SLC30A4: variants seen among roughly 807,000 people sequenced by gnomAD.
SLC30A4 encodes the protein solute carrier family 30 member 4, also known as probable proton-coupled zinc antiporter SLC30A4.
A neutral mutation model predicts 41.7 loss-of-function variants in SLC30A4; 20 were observed. The ratio of observed to expected loss-of-function variants is 0.48; its 90% CI spans 0.34 to 0.70. SLC30A4 has a LOEUF of 0.70. SLC30A4 is among the 30% of genes least tolerant of loss of function. The probability of loss-of-function intolerance (pLI) is 0.01; values close to 1 mark genes in which losing one functional copy is unlikely to be tolerated. For synonymous variants in SLC30A4, 181 were observed against 195.9 expected, an observed-to-expected ratio of 0.92 and a Z score of 0.64; for missense variants, 441 against 529.3, an observed-to-expected ratio of 0.83 and a Z score of 1.64.
chr15:45,485,265 T>C lies in SLC30A4; in HGVS notation c.1188A>G (p.Leu396=). 1 of 1,612,476 alleles carries C rather than the reference T, an allele frequency of 6.2e-7. No homozygotes were observed. The highest frequency in any genetic ancestry group is 8.5e-7 in the Non-Finnish European group (1 of 1,178,924). Reference sequence around the variant, plus strand: ...TATACATGCCAAATGTGTTCAATAATAAATGGTTTGCTTTGGACTGTACTT... The same window carrying C: ...TATACATGCCAAATGTGTTCAATAACAAATGGTTTGCTTTGGACTGTACTT... ...WEEVQSKANH[L]LLNTFGMYRC... Residue 396 remains leucine, a synonymous_variant, in exon 8 of 8, where the codon TTA becomes TTG. Transcript: ENST00000261867.
chr15:45,510,947 T>C (rs1401049427), intron 3 of SLC30A4, among the ~76,000 whole-genome samples, 191 bp downstream of exon 3: 1 of 152,236 alleles, frequency 6.6e-6, no homozygotes, highest in Non-Finnish European at 1.5e-5. Flanking sequence ...TAATTTTATA[T>C]GTGTAAACTG....
At position 45,487,148 on chromosome 15, in the gene SLC30A4, G is replaced by T. The variant is rs139410415; in HGVS notation, c.1000+379C>A. Among the ~76,000 whole-genome samples the T allele has an allele frequency of 3.3e-5, 5 of 152,200 alleles. No homozygotes were observed. The East Asian group carries it at 9.6e-4, about 29-fold the overall frequency. Reference sequence around the variant, plus strand: ...GGAAGAATGCAGTAAATACAACAAAGTCACAAGTTAAGTGGGAATTAAGGA... The same window carrying T: ...GGAAGAATGCAGTAAATACAACAAATTCACAAGTTAAGTGGGAATTAAGGA... On this transcript the variant is annotated intron_variant, in intron 6 of 7. Coordinates refer to ENST00000261867, the MANE Select transcript of SLC30A4 (RefSeq NM_013309.6).
rs796212548 is a variant in SLC30A4, at chr15:45,483,995, C to T, written c.*1168G>A. ...CTGCTATGGTATTATTGGAAAACCT[C>T]AAAATTGTATTTTAGGGTTTCTGGA... On this transcript the variant is annotated 3_prime_UTR_variant, in exon 8 of 8. Coordinates refer to ENST00000261867, the MANE Select transcript of SLC30A4 (RefSeq NM_013309.6). 48 of 152,454 alleles carry T rather than the reference C, an allele frequency of 3.1e-4. No homozygotes were observed. Among genetic ancestry groups the T allele is most frequent in the African/African-American group, 1.2e-3 (48 of 41,524 alleles). The allele number at this position is 152,454 out of a possible 1,614,324, so 9.4% of individuals were successfully genotyped here. A position where few individuals can be genotyped will look rare whatever the true frequency, so the allele number is the denominator to read the frequency against.
rs527236689 is a variant in SLC30A4, at chr15:45,509,891, G to A, written c.538+1247C>T. Among the ~76,000 whole-genome samples the A allele has an allele frequency of 3.3e-5, 5 of 152,118 alleles. No homozygotes were observed. In the East Asian group the frequency reaches 9.7e-4, roughly 30 times the overall value. On this transcript the variant is annotated intron_variant, in intron 3 of 7. Transcript: ENST00000261867. ...CTGGGCAAAGGATGACCCCCTTGTA[G>A]GTAGGCCCTGTCTCTACAAAAATCA...
chr15:45,493,566 G>A (rs1387849956), intron 3 of SLC30A4, among the ~76,000 whole-genome samples: 1 of 152,042 alleles, frequency 6.6e-6, no homozygotes, highest in Non-Finnish European at 1.5e-5. Flanking sequence ...GGTGGCTCAC[G>A]CCTGTAGTCC....
At chr15:45,492,212 C>CAAAAAAAAAAAAA (rs1163243140) in intron 3 of SLC30A4, among the ~76,000 whole-genome samples, 1 of 68,004 alleles carries the variant, frequency 1.5e-5, no homozygotes. Context: ...CTGTAGCATC[C>CAAAAAAAAAAAAA]AAAAAAAAAA....
At chr15:45,515,337 T>A (rs1364786183) in intron 2 of SLC30A4, among the ~76,000 whole-genome samples, 1 of 151,916 alleles carries the variant, frequency 6.6e-6, no homozygotes, top group Admixed American at 6.6e-5. Flanking sequence ...CCTTAATTTA[T>A]CTTCTAACTT....
chr15:45,497,689 T>C (rs1271232173), intron 3 of SLC30A4, among the ~76,000 whole-genome samples: 1 of 151,070 alleles, frequency 6.6e-6, no homozygotes, highest in African/African-American at 2.4e-5. Flanking sequence ...ATGAAAATTG[T>C]TTACTGCATA....
chr15:45,506,678 T>A (rs973554029), intron 3 of SLC30A4, among the ~76,000 whole-genome samples: 2 of 152,116 alleles, frequency 1.3e-5, no homozygotes, highest in Non-Finnish European at 2.9e-5. Flanking sequence ...TATCTAGATA[T>A]CCCCTCATAA....
intron 3 of SLC30A4, among the ~76,000 whole-genome samples, chr15:45,504,700 C>A (rs1012501660): frequency 1.3e-5 from 2 of 152,182 alleles, no homozygotes; most frequent in Admixed American, 1.3e-4. Context: ...TTTCTAATTA[C>A]TTTACAAATA....
At chr15:45,489,545 G>A (rs1229393578) in intron 4 of SLC30A4, among the ~76,000 whole-genome samples, 1 of 146,554 alleles carries the variant, frequency 6.8e-6, no homozygotes, top group Non-Finnish European at 1.5e-5. Context: ...AGTGCTAGGA[G>A]ATGAGTGGTA....
In SLC30A4 at chr15:45,484,584, A is replaced by G. The variant is rs1207663635; in HGVS notation, c.*579T>C. ...CTGGAAAAGGTTGTTTATAAAGTAT[A>G]ATCATAACAATAACATTAAGACTTA... On this transcript the variant is annotated 3_prime_UTR_variant, in exon 8 of 8. Coordinates refer to ENST00000261867, the MANE Select transcript of SLC30A4 (RefSeq NM_013309.6). The G allele has an allele frequency of 6.6e-6, 1 of 152,254 alleles. No homozygotes were observed. Among genetic ancestry groups the G allele is most frequent in the Non-Finnish European group, 1.5e-5 (1 of 68,052 alleles). 9.4% of individuals were successfully genotyped at this position (152,254 alleles called of 1,614,324 possible).
intron 3 of SLC30A4, among the ~76,000 whole-genome samples, chr15:45,508,038 GT>G (rs1259493686): frequency 6.6e-6 from 1 of 152,012 alleles, no homozygotes; most frequent in Non-Finnish European, 1.5e-5. Context: ...GCCCAGGCTG[GT>G]CTCGAACTTC....
intron 3 of SLC30A4, among the ~76,000 whole-genome samples, chr15:45,500,014 T>C (rs993625477): frequency 6.6e-6 from 1 of 152,208 alleles, no homozygotes; most frequent in Non-Finnish European, 1.5e-5. Flanking sequence ...AACTGTTACA[T>C]TGCAAATAAA....
chr15:45,496,922 G>A (rs1429439057), intron 3 of SLC30A4, among the ~76,000 whole-genome samples: 3 of 151,570 alleles, frequency 2.0e-5, no homozygotes, highest in African/African-American at 7.3e-5. Context: ...AGCTACTCGG[G>A]AGGCTGAGGT....
At chr15:45,491,286 T>C (rs1891805120) in intron 3 of SLC30A4, among the ~76,000 whole-genome samples, 1 of 152,194 alleles carries the variant, frequency 6.6e-6, no homozygotes, top group Non-Finnish European at 1.5e-5. Flanking sequence ...CCCTTACCTC[T>C]CCCTACCCTC....
intron 7 of SLC30A4, 116 bp from the exon 8 acceptor site, chr15:45,485,433 A>G (rs1185064843): frequency 2.9e-6 from 2 of 686,876 alleles, no homozygotes; most frequent in Non-Finnish European, 2.3e-6. Flanking sequence ...TCTGATTTCT[A>G]CCCTCTCTAA....
Position 45,488,970 on chromosome 15 carries a change from G to C in SLC30A4, c.765C>G (p.Thr255=). ...GGTTACGTTCACACCCAGAACCTCT[G>C]GTAGGGGAATTTGAAGGCAGGGAGT... The part of the protein sequence containing the change: ...HSHSLPSNSP[T]RGSGCERNHG... The change falls in exon 5 of 8, where the codon ACC becomes ACG. Residue 255 remains threonine (T), a synonymous_variant. Coordinates refer to ENST00000261867, the MANE Select transcript of SLC30A4 (RefSeq NM_013309.6). 1 of 1,614,082 alleles carries C rather than the reference G, an allele frequency of 6.2e-7. No individual in the cohort carries two copies. Among genetic ancestry groups the C allele is most frequent in the Non-Finnish European group, 8.5e-7 (1 of 1,179,956 alleles).
intron 4 of SLC30A4, 110 bp downstream of exon 4, chr15:45,490,618 T>C: frequency 4.5e-6 from 3 of 666,784 alleles, no homozygotes; most frequent in Non-Finnish European, 7.2e-6. Context: ...GTTAATGAGT[T>C]ATATCATTTT....
Sources: gnomAD v4.1 joint callset for allele counts (sites outside exome capture counted in the v4.1 genomes callset) on GRCh38, gnomAD v4.1.1 for gene constraint, MANE v1.5 for transcripts, NCBI Gene and HGNC (gene_info 2026-07-23, HGNC 2026-07-21) for gene names.